The following ADGRG1 variants were observed in gnomAD, a reference collection of about 807,000 sequenced individuals.
ADGRG1 encodes the protein 7-transmembrane protein with no EGF-like N-terminal domains-1.
A neutral mutation model predicts 73.5 loss-of-function variants in ADGRG1; 53 were observed. The ratio of observed to expected loss-of-function variants is 0.72; its 90% CI spans 0.58 to 0.91. ADGRG1 has a LOEUF of 0.91. ADGRG1 is among the 40% of genes least tolerant of loss of function. ADGRG1 has a pLI of 0.00. For synonymous variants in ADGRG1, 394 were observed against 374.4 expected (o/e 1.05, Z -0.60); for missense variants, 795 against 871.8 (o/e 0.91, Z 1.11).
intron 1 of ADGRG1, chr16:57,642,384 T>C (rs2041063418): frequency 1.0e-6 from 1 of 984,926 alleles, no homozygotes; most frequent in Non-Finnish European, 1.2e-6. Flanking sequence ...GCTCATCTCA[T>C]GCTAGCTAAT....
At chr16:57,656,814 G>C (rs1298885467) in intron 9 of ADGRG1, among the ~76,000 whole-genome samples, 197 bp downstream of exon 9, 1 of 152,250 alleles carries the variant, frequency 6.6e-6, no homozygotes, top group African/African-American at 2.4e-5. Context: ...CAGCTAGTCA[G>C]TGAAAGAGCT....
At chr16:57,624,913 C>G (rs1223902790), upstream of ADGRG1, 1 of 155,424 alleles carries the variant, frequency 6.4e-6, no homozygotes, top group African/African-American at 2.4e-5. Context: ...CTCATTTAAT[C>G]GGCCCAATAG....
chr16:57,643,842 T>A, intron 1 of ADGRG1: 8 of 965,062 alleles, frequency 8.3e-6, no homozygotes, highest in Non-Finnish European at 9.7e-6. Flanking sequence ...GGGAGGAGAG[T>A]GCTTCTGCCT....
At chr16:57,636,221 T>A (rs2039335330) in intron 1 of ADGRG1, 1 of 984,848 alleles carries the variant, frequency 1.0e-6, no homozygotes, top group African/African-American at 1.7e-5. Context: ...GTCTTGGGGG[T>A]GGTAATTTTG....
At chr16:57,632,288 T>C in intron 1 of ADGRG1, 4 of 985,430 alleles carry the variant, frequency 4.1e-6, no homozygotes, top group Non-Finnish European at 4.8e-6. Flanking sequence ...ACAGGGCCCG[T>C]AGAGACAGCA....
chr16:57,648,595 T>C (rs1410287984), intron 1 of ADGRG1: 4 of 984,870 alleles, frequency 4.1e-6, no homozygotes, highest in Non-Finnish European at 4.8e-6. Context: ...ACACCCCTTC[T>C]TTTAATGCTG....
At chr16:57,631,873 TC>T in intron 1 of ADGRG1, 1 of 978,430 alleles carries the variant, frequency 1.0e-6, no homozygotes, top group Non-Finnish European at 1.2e-6. Context: ...TAGATTCTGG[TC>T]TTAGGTCTGG....
chr16:57,643,900 G>C, intron 1 of ADGRG1: 1 of 974,358 alleles, frequency 1.0e-6, no homozygotes, highest in Non-Finnish European at 1.2e-6. Flanking sequence ...AGGGGTGGGG[G>C]GACTGGGCTG....
At chr16:57,634,432 C>G (rs1253444457) in intron 1 of ADGRG1, 3 of 985,356 alleles carry the variant, frequency 3.0e-6, no homozygotes, top group East Asian at 1.1e-4. Context: ...TCAGGGGCGA[C>G]TCACAGCCCA....
At position 57,650,424 on chromosome 16, in the gene ADGRG1, A is replaced by G. The variant is rs1049182912; in HGVS notation, c.64+73A>G. Reference sequence around the variant, plus strand: ...TGCCCCTGTGCCTAGGGTGGCTGCCAGCACACATGCTAACTCCTTTAGGCA... The same window carrying G: ...TGCCCCTGTGCCTAGGGTGGCTGCCGGCACACATGCTAACTCCTTTAGGCA... On this transcript the variant is annotated intron_variant, in intron 2 of 13. Coordinates refer to ENST00000562631, the MANE Select transcript of ADGRG1 (RefSeq NM_201525.4). The G allele has an allele frequency of 1.1e-5, 18 of 1,611,012 alleles. No individual in the cohort carries two copies. In the African/African-American group the frequency reaches 2.3e-4, roughly 20 times the overall value.
At chr16:57,628,925 T>TG (rs1567668156) in intron 1 of ADGRG1, 123 bp downstream of exon 1, 1 of 753,826 alleles carries the variant, frequency 1.3e-6, no homozygotes, top group African/African-American at 2.1e-5. Flanking sequence ...AGAGTGAGTG[T>TG]GAGTGTGAGT....
intron 1 of ADGRG1, chr16:57,632,135 C>T (rs767936127): frequency 2.1e-5 from 21 of 985,350 alleles, no homozygotes; most frequent in African/African-American, 1.6e-4. Context: ...GGAGGCTTAC[C>T]CAGTGAGCAA....
In ADGRG1 at chr16:57,650,276, C is replaced by T. The variant is rs202128979; in HGVS notation, c.-12C>T. ...AGGTGGTGACTTCCAAGAGTGACTC[C>T]GTCGGAGGAAAATGACTCCCCAGTC... On this transcript the variant is annotated 5_prime_UTR_variant, in exon 2 of 14. Coordinates refer to ENST00000562631, the MANE Select transcript of ADGRG1 (RefSeq NM_201525.4). The T allele has an allele frequency of 2.0e-4, 325 of 1,612,164 alleles. No homozygotes were observed. The African/African-American group carries it at 3.2e-3, about 16-fold the overall frequency.
At chr16:57,661,196 T>C (rs1032969997) in intron 12 of ADGRG1, 95 of 730,732 alleles carry the variant, frequency 1.3e-4, no homozygotes, top group Non-Finnish European at 1.6e-4. Context: ...TGTCTCCCCA[T>C]GCAGATGGGA....
chr16:57,648,628 G>A, intron 1 of ADGRG1: 1 of 984,532 alleles, frequency 1.0e-6, no homozygotes, highest in Non-Finnish European at 1.2e-6. Flanking sequence ...TGGTTCAAAA[G>A]CCACCTCTTC....
chr16:57,627,693 C>A, upstream of ADGRG1: 1 of 645,200 alleles, frequency 1.5e-6, no homozygotes, highest in Non-Finnish European at 1.9e-6. Flanking sequence ...AAAAGCCTCC[C>A]AGCACATCTG....
chr16:57,631,075 T>C (rs2037746888), intron 1 of ADGRG1: 1 of 983,606 alleles, frequency 1.0e-6, no homozygotes, highest in Non-Finnish European at 1.2e-6. Context: ...GGGTGTTCAG[T>C]GTGAGGTTGG....
At chr16:57,636,100 G>C in intron 1 of ADGRG1, 3 of 985,376 alleles carry the variant, frequency 3.0e-6, no homozygotes, top group Non-Finnish European at 3.6e-6. Flanking sequence ...CCCATGGGGA[G>C]CCCAGGTGGG....
upstream of ADGRG1, among the ~76,000 whole-genome samples, chr16:57,625,089 C>G (rs1333837219): frequency 1.3e-5 from 2 of 152,142 alleles, no homozygotes; most frequent in South Asian, 4.2e-4. Flanking sequence ...GCATTGCCCC[C>G]TCTCCTCTGT....
Sources: gnomAD v4.1 joint callset for allele counts (sites outside exome capture counted in the v4.1 genomes callset) on GRCh38, gnomAD v4.1.1 for gene constraint, MANE v1.5 for transcripts, NCBI Gene and HGNC (gene_info 2026-07-23, HGNC 2026-07-21) for gene names.